The following PLXNA4 variants were observed in gnomAD, a reference collection of about 807,000 sequenced individuals.
PLXNA4 encodes plexin-A4.
In PLXNA4, 44 loss-of-function variants were observed where a neutral mutation model predicts 191.8. The observed-to-expected ratio is 0.23, with a 90% CI of 0.18 to 0.29. The LOEUF (loss-of-function observed/expected upper bound fraction) is 0.29, where lower values mean the gene tolerates loss of function less well. PLXNA4 is among the 10% of genes least tolerant of loss of function. The probability of loss-of-function intolerance (pLI) is 1.00; values close to 1 mark genes in which losing one functional copy is unlikely to be tolerated. For synonymous variants in PLXNA4, 1,082 were observed against 1,009.5 expected, an observed-to-expected ratio of 1.07 and a Z score of -1.36; for missense variants, 1,800 against 2,488.8, an observed-to-expected ratio of 0.72 and a Z score of 5.89.
chr7:132,444,962 G>C (rs1335167681), intron 3 of PLXNA4, among the ~76,000 whole-genome samples: 1 of 151,360 alleles, frequency 6.6e-6, no homozygotes, highest in Non-Finnish European at 1.5e-5. Context: ...AGGAGATCCA[G>C]ACCATGGTGA....
At chr7:132,349,191 C>T (rs2116792002) in intron 3 of PLXNA4, among the ~76,000 whole-genome samples, 1 of 152,042 alleles carries the variant, frequency 6.6e-6, no homozygotes, top group East Asian at 1.9e-4. Flanking sequence ...CTCTTTTTTC[C>T]CCTCCCTTTC....
At chr7:132,563,606 T>C (rs1308271455) in intron 1 of PLXNA4, among the ~76,000 whole-genome samples, 3 of 120,054 alleles carry the variant, frequency 2.5e-5, no homozygotes, top group African/African-American at 6.4e-5. Flanking sequence ...TTTCTCCTCC[T>C]CCTTCTCTTC....
chr7:132,443,304 T>C (rs367982528), intron 3 of PLXNA4, among the ~76,000 whole-genome samples: 2 of 152,228 alleles, frequency 1.3e-5, no homozygotes, highest in South Asian at 2.1e-4. Context: ...GGGGGAACTT[T>C]CCCGGCTTCT....
intron 5 of PLXNA4, among the ~76,000 whole-genome samples, chr7:132,231,668 A>T (rs1798526709): frequency 6.6e-6 from 1 of 151,938 alleles, no homozygotes; most frequent in Admixed American, 6.6e-5. Context: ...AAAGCAATCC[A>T]CTCATCTCGG....
At chr7:132,455,121 G>A (rs536100736) in intron 3 of PLXNA4, among the ~76,000 whole-genome samples, 17 of 152,276 alleles carry the variant, frequency 1.1e-4, no homozygotes, top group Admixed American at 7.2e-4. Flanking sequence ...CTGCAGCCTC[G>A]CCTGGACGCT....
chr7:132,533,733 C>T (rs1054243966), intron 1 of PLXNA4, among the ~76,000 whole-genome samples: 1 of 152,166 alleles, frequency 6.6e-6, no homozygotes, highest in African/African-American at 2.4e-5. Context: ...CCCTTCTGTG[C>T]CTGCTGCCAG....
intron 12 of PLXNA4, among the ~76,000 whole-genome samples, chr7:132,201,180 G>C (rs1797421047): frequency 6.6e-6 from 1 of 152,138 alleles, no homozygotes; most frequent in Admixed American, 6.5e-5. Flanking sequence ...TCAAGGAGAG[G>C]GATGGGGAAC....
chr7:132,259,436 CAAAAAAAAAAAAAAAAA>C (rs55902635), intron 4 of PLXNA4, among the ~76,000 whole-genome samples: 68 of 33,868 alleles, frequency 2.0e-3, no homozygotes, highest in African/African-American at 6.3e-3. Flanking sequence ...AACTCCAACT[CAAAAAAAAAAAAAAAAA>C]AAAAAAAAAA....
intron 2 of PLXNA4, among the ~76,000 whole-genome samples, chr7:132,497,643 A>G (rs1186376893): frequency 6.6e-6 from 1 of 152,174 alleles, no homozygotes; most frequent in Admixed American, 6.6e-5. Context: ...TTTCTCTTTT[A>G]TGACTCCTAG....
At position 132,512,330 on chromosome 7, in the gene PLXNA4, G is replaced by T. The variant is rs183956231; in HGVS notation, c.-86-3551C>A. Among the ~76,000 whole-genome samples the T allele has an allele frequency of 5.9e-5, 9 of 152,342 alleles. No individual in the cohort carries two copies. In the East Asian group the frequency reaches 1.5e-3, roughly 26 times the overall value. ...TCAGCAGCTCTCTAGTCTGCAAGAG[G>T]TGAGATGAAGAATCCTATAATTACG... On this transcript the variant is annotated intron_variant, in intron 1 of 31. Transcript: ENST00000321063.
intron 25 of PLXNA4, among the ~76,000 whole-genome samples, chr7:132,155,742 G>A (rs975390380): frequency 2.0e-5 from 3 of 152,204 alleles, no homozygotes; most frequent in African/African-American, 4.8e-5. Flanking sequence ...GGTGGGCCCT[G>A]CGGTTTCTGG....
intron 25 of PLXNA4, among the ~76,000 whole-genome samples, chr7:132,151,085 G>T (rs1176747382): frequency 6.6e-6 from 1 of 152,138 alleles, no homozygotes; most frequent in Admixed American, 6.5e-5. Flanking sequence ...CACTTAGCTT[G>T]CTTTTAGATC....
At chr7:132,271,161 T>C (rs1321634132) in intron 4 of PLXNA4, 1 of 152,130 alleles carries the variant, frequency 6.6e-6, no homozygotes, top group Non-Finnish European at 1.5e-5. Flanking sequence ...CAAGAGGGAA[T>C]TAGCCTAAAT....
rs1190251535 is a variant in PLXNA4, at chr7:132,508,496, C to T, written c.198G>A (p.Gly66=). The T allele has an allele frequency of 1.2e-6, 2 of 1,614,168 alleles. No individual in the cohort carries two copies. Among genetic ancestry groups the T allele is most frequent in the Admixed American group, 1.7e-5 (1 of 60,028 alleles). ...VDERTGHIYL[G]AVNRIYKLSS... is the part of the protein sequence containing the mutation. The stretch of plus-strand genomic sequence containing the variant: ...AGAGCTTGTAAATCCGATTGACGGC[C>T]CCCAAGTAAATGTGTCCTGTCCTCT... Residue 66 remains glycine, a synonymous_variant, in exon 2 of 32, where the codon GGG becomes GGA. Coordinates refer to ENST00000321063, the MANE Select transcript of PLXNA4 (RefSeq NM_020911.2). This position sits in a 1 kb window ranked among gnomAD's most constrained non-coding sequence, Gnocchi z 4.4.
At chr7:132,433,994 A>C (rs867983851) in intron 3 of PLXNA4, among the ~76,000 whole-genome samples, 3 of 152,302 alleles carry the variant, frequency 2.0e-5, no homozygotes, top group Middle Eastern at 6.8e-3. Context: ...CCATCAATGA[A>C]AGCATGTTCA....
intron 3 of PLXNA4, among the ~76,000 whole-genome samples, chr7:132,445,046 T>C (rs1225305925): frequency 6.7e-6 from 1 of 150,356 alleles, no homozygotes; most frequent in Non-Finnish European, 1.5e-5. Flanking sequence ...TCCCAGCTAC[T>C]CGGGAGGCTG....
At chr7:132,417,427 A>G (rs1396281617) in intron 3 of PLXNA4, among the ~76,000 whole-genome samples, 1 of 152,158 alleles carries the variant, frequency 6.6e-6, no homozygotes, top group Non-Finnish European at 1.5e-5. Context: ...AGTCACTTAA[A>G]TGACGCAATT....
chr7:132,137,314 CTACT>C (rs1795141460), intron 30 of PLXNA4, among the ~76,000 whole-genome samples: 1 of 152,206 alleles, frequency 6.6e-6, no homozygotes, highest in African/African-American at 2.4e-5. Flanking sequence ...TGACTCCATT[CTACT>C]TACTTCTTAA....
At chr7:132,441,509 C>T (rs1047408306) in intron 3 of PLXNA4, among the ~76,000 whole-genome samples, 1 of 152,184 alleles carries the variant, frequency 6.6e-6, no homozygotes, top group Non-Finnish European at 1.5e-5. Flanking sequence ...TGTTCCCTAG[C>T]TAGGAGCACG....
Sources: allele counts gnomAD v4.1 joint callset (sites outside exome capture counted in the v4.1 genomes callset), GRCh38; gene constraint gnomAD v4.1.1; non-coding constraint Gnocchi (gnomAD v3.1); transcripts MANE v1.5; gene names NCBI Gene and HGNC (gene_info 2026-07-23, HGNC 2026-07-21).